The following ANO2 variants were observed in gnomAD, a reference collection of about 807,000 sequenced individuals.
ANO2 encodes anoctamin-2.
ANO2 carries 101 observed loss-of-function variants against 124.2 expected under a neutral mutation model. The ratio of observed to expected loss-of-function variants is 0.81; its 90% CI spans 0.69 to 0.96. The LOEUF is 0.96. Ranked by LOEUF, ANO2 falls within the 40% of genes least tolerant of loss-of-function variation. The probability of loss-of-function intolerance (pLI) is 0.00; values close to 1 mark genes in which losing one functional copy is unlikely to be tolerated. For synonymous variants in ANO2, 486 were observed against 482.5 expected, an observed-to-expected ratio of 1.01 and a Z score of -0.09; for missense variants, 1,293 against 1,274.5, an observed-to-expected ratio of 1.01 and a Z score of -0.22.
chr12:5,855,330 G>A (rs1955065271), intron 3 of ANO2, among the ~76,000 whole-genome samples: 1 of 152,200 alleles, frequency 6.6e-6, no homozygotes, highest in African/African-American at 2.4e-5. Context: ...TGGAGGAGGT[G>A]CTCACATGTG....
intron 3 of ANO2, among the ~76,000 whole-genome samples, chr12:5,910,189 T>C (rs1384280130): frequency 6.6e-6 from 1 of 152,224 alleles, no homozygotes; most frequent in African/African-American, 2.4e-5. Flanking sequence ...GTTCTTGTTG[T>C]TTTGTTTTTT....
intron 3 of ANO2, among the ~76,000 whole-genome samples, chr12:5,882,961 AGCAAAGACGGCT>A (rs1356868211): frequency 1.3e-5 from 2 of 152,062 alleles, no homozygotes; most frequent in Non-Finnish European, 2.9e-5. Flanking sequence ...GAGATATGAG[AGCAAAGACGGCT>A]GCTGCATGAG....
At chr12:5,725,271 C>A (rs1950393118) in intron 14 of ANO2, among the ~76,000 whole-genome samples, 1 of 152,138 alleles carries the variant, frequency 6.6e-6, no homozygotes, top group Non-Finnish European at 1.5e-5. Context: ...AAAAACTGAC[C>A]ATTGGTGTAT....
At chr12:5,605,845 G>C (rs182127030) in intron 19 of ANO2, among the ~76,000 whole-genome samples, 183 of 152,296 alleles carry the variant, frequency 1.2e-3, no homozygotes, top group Admixed American at 2.3e-3. Flanking sequence ...CATGTATGAA[G>C]TAATCTCAGA....
At chr12:5,794,870 C>T (rs1952802583) in intron 10 of ANO2, among the ~76,000 whole-genome samples, 1 of 152,224 alleles carries the variant, frequency 6.6e-6, no homozygotes, top group Admixed American at 6.5e-5. Flanking sequence ...AGCAGCAGGG[C>T]TAAGGAAATA....
intron 9 of ANO2, among the ~76,000 whole-genome samples, chr12:5,803,735 A>G (rs1013528777): frequency 6.6e-6 from 1 of 152,130 alleles, no homozygotes; most frequent in Non-Finnish European, 1.5e-5. Flanking sequence ...CCTTGTTCTC[A>G]AGACGGAGGA....
At chr12:5,942,628 A>T (rs1565800415) in intron 1 of ANO2, among the ~76,000 whole-genome samples, 1 of 152,132 alleles carries the variant, frequency 6.6e-6, no homozygotes, top group African/African-American at 2.4e-5. Context: ...GCTTCCCCAC[A>T]GGGGAAGCTC....
intron 17 of ANO2, among the ~76,000 whole-genome samples, chr12:5,614,688 CT>C (rs1398917763): frequency 6.6e-6 from 1 of 152,172 alleles, no homozygotes; most frequent in Non-Finnish European, 1.5e-5. Flanking sequence ...ATTATTGAAT[CT>C]GATGGAGTAA....
intron 14 of ANO2, among the ~76,000 whole-genome samples, chr12:5,679,552 A>T (rs1948402443): frequency 6.6e-6 from 1 of 152,212 alleles, no homozygotes; most frequent in Non-Finnish European, 1.5e-5. Flanking sequence ...AATATCACTG[A>T]TCATTATAAA....
rs537700511 is a variant in ANO2 at position 5,908,860 on chromosome 12, C to T, written c.534+12180G>A. On this transcript the variant is annotated intron_variant, in intron 3 of 24. Coordinates refer to ENST00000682330, the MANE Select transcript of ANO2 (RefSeq NM_001364791.2). This position sits in a 1 kb window ranked among gnomAD's most constrained non-coding sequence, Gnocchi z 4.7. ...GAAGGCAGGGAATAAGTGGGGTGCA[C>T]CATTGCTTGTATTGGTGCCTGAATG... Among the ~76,000 whole-genome samples, 27 of 152,188 alleles carry T rather than the reference C, an allele frequency of 1.8e-4. No homozygotes were observed. The highest frequency in any genetic ancestry group is 3.5e-4 in the Non-Finnish European group (24 of 68,048).
At chr12:5,830,582 G>A (rs1339355954) in intron 5 of ANO2, 93 bp from the exon 6 acceptor site, 1 of 1,140,482 alleles carries the variant, frequency 8.8e-7, no homozygotes, top group Non-Finnish European at 1.3e-6. Context: ...TCTTTAGAAA[G>A]CAACATAGCA....
chr12:5,899,910 C>CA (rs1182075913), intron 3 of ANO2, among the ~76,000 whole-genome samples: 2 of 152,140 alleles, frequency 1.3e-5, no homozygotes, highest in African/African-American at 4.8e-5. Flanking sequence ...CACACAGCAG[C>CA]ACAAGTGTCT....
At chr12:5,647,223 T>C (rs535951853) in intron 15 of ANO2, among the ~76,000 whole-genome samples, 2 of 152,348 alleles carry the variant, frequency 1.3e-5, no homozygotes, top group South Asian at 4.1e-4. Context: ...CAAATACGAA[T>C]CACAGGGTTT....
rs768026762 is a variant in ANO2, at chr12:5,923,085, C to CACACGCAT, written c.23-282_23-281insATGCGTGT. Among the ~76,000 whole-genome samples the CACACGCAT allele has an allele frequency of 5.3e-3, 95 of 17,832 alleles. 12 individuals are homozygous for CACACGCAT. Among genetic ancestry groups the CACACGCAT allele is most frequent in the Middle Eastern group, 0.05 (1 of 20 alleles). The allele number at this position is 17,832 out of a possible 152,430, so 11.7% of individuals were successfully genotyped here. A position where few individuals can be genotyped will look rare whatever the true frequency, so the allele number is the denominator to read the frequency against. On this transcript the variant is annotated intron_variant, in intron 1 of 24. Transcript: ENST00000682330. ...ATACACACACACATGCACACATACACACACACACGCACACACATACACACA... is the reference window on the plus strand; with the variant it reads ...ATACACACACACATGCACACATACACACACGCATACACACACGCACACACATACACACA...
At chr12:5,619,058 C>T (rs1273262666) in intron 16 of ANO2, among the ~76,000 whole-genome samples, 1 of 152,214 alleles carries the variant, frequency 6.6e-6, no homozygotes, top group Non-Finnish European at 1.5e-5. Flanking sequence ...CAACAACCCT[C>T]TCACACTGCA....
At chr12:5,748,870 C>CA (rs60191649) in intron 11 of ANO2, among the ~76,000 whole-genome samples, 81 of 101,644 alleles carry the variant, frequency 8.0e-4, no homozygotes, top group South Asian at 3.1e-3. Context: ...CTTCACCCTC[C>CA]AAAAAAAAAA....
intron 19 of ANO2, chr12:5,608,839 C>G (rs1304625475): frequency 1.3e-5 from 2 of 152,194 alleles, no homozygotes; most frequent in Admixed American, 6.5e-5. Flanking sequence ...CGAGTTCTTG[C>G]CTCTCTTGTA....
intron 23 of ANO2, among the ~76,000 whole-genome samples, 184 bp downstream of exon 23, chr12:5,575,650 A>C (rs939744911): frequency 2.0e-5 from 3 of 152,316 alleles, no homozygotes; most frequent in Middle Eastern, 3.4e-3. Context: ...AATATATCTA[A>C]ATACAGAAGA....
chr12:5,693,049 T>G (rs1949012301), intron 14 of ANO2, among the ~76,000 whole-genome samples: 1 of 152,138 alleles, frequency 6.6e-6, no homozygotes, highest in Admixed American at 6.5e-5. Flanking sequence ...GGCGCATCCA[T>G]CATCATCCCA....
Sources: allele counts gnomAD v4.1 joint callset (sites outside exome capture counted in the v4.1 genomes callset), GRCh38; gene constraint gnomAD v4.1.1; non-coding constraint Gnocchi (gnomAD v3.1); transcripts MANE v1.5; gene names NCBI Gene and HGNC (gene_info 2026-07-23, HGNC 2026-07-21).